SHISA6: variants seen among roughly 807,000 people sequenced by gnomAD.
SHISA6 encodes shisa family member 6, also known as protein shisa-6.
Under a neutral mutation model 47.9 loss-of-function variants are expected in SHISA6, and 22 were observed. The observed-to-expected ratio is 0.46, with a 90% confidence interval of 0.33 to 0.66. The LOEUF (loss-of-function observed/expected upper bound fraction) is 0.66. Among genes scored for constraint, SHISA6 ranks in the 30% least tolerant of loss-of-function variants. The pLI is 0.02. For synonymous variants in SHISA6, 388 were observed against 337.8 expected, an observed-to-expected ratio of 1.15 and a Z score of -1.63; for missense variants, 680 against 764.6, an observed-to-expected ratio of 0.89 and a Z score of 1.30.
Position 11,257,538 on chromosome 17 carries a change from A to G in SHISA6, c.639-5828A>G, listed in dbSNP as rs1193608858. ...TAGCTGGGTGTGGTGGTGCTTGCCTATAGTATCAGCTACTGGGGAGGCTGA... is the reference window on the plus strand; with the variant it reads ...TAGCTGGGTGTGGTGGTGCTTGCCTGTAGTATCAGCTACTGGGGAGGCTGA... On this transcript the variant is annotated intron_variant, in intron 1 of 5. Coordinates refer to ENST00000441885, the MANE Select transcript of SHISA6 (RefSeq NM_207386.4). Among the ~76,000 whole-genome samples the G allele has an allele frequency of 2.0e-5, 3 of 151,940 alleles. 1 individual carries two copies. The highest frequency in any genetic ancestry group is 4.4e-5 in the Non-Finnish European group (3 of 67,936).
intron 3 of SHISA6, among the ~76,000 whole-genome samples, chr17:11,455,112 T>C (rs1436628076): frequency 6.6e-6 from 1 of 151,910 alleles, no homozygotes; most frequent in African/African-American, 2.4e-5. Flanking sequence ...GAGCTTGCAG[T>C]GAGCCGAGAT....
Position 11,323,736 on chromosome 17 carries a change from G to A in SHISA6, c.800-55678G>A, listed in dbSNP as rs565522809. Among the ~76,000 whole-genome samples the A allele has an allele frequency of 3.3e-5, 5 of 151,754 alleles. 1 individual carries two copies. The highest frequency in any genetic ancestry group is 1.5e-5 in the Non-Finnish European group (1 of 67,982). ...TGTGGTCGAGCTGGGACTTCAACCT[G>A]TAGGCTTTGCTCTCCCAGTCCAGGT... On this transcript the variant is annotated intron_variant, in intron 2 of 5. Coordinates refer to ENST00000441885, the MANE Select transcript of SHISA6 (RefSeq NM_207386.4).
intron 2 of SHISA6, among the ~76,000 whole-genome samples, chr17:11,273,161 C>T (rs887838694): frequency 1.3e-5 from 2 of 152,212 alleles, no homozygotes; most frequent in Non-Finnish European, 2.9e-5. Context: ...GAAACAGGTT[C>T]AATGGGGATT....
At chr17:11,358,667 C>CTTT (rs71142206) in intron 2 of SHISA6, among the ~76,000 whole-genome samples, 27,407 of 141,172 alleles carry the variant, frequency 0.19, 2,881 homozygotes, top group Middle Eastern at 0.28. Context: ...CCAGAATTTC[C>CTTT]TTTTTTTTTT....
chr17:11,304,933 G>T (rs1424139984), intron 2 of SHISA6, among the ~76,000 whole-genome samples: 1 of 152,196 alleles, frequency 6.6e-6, no homozygotes, highest in Admixed American at 6.5e-5. Flanking sequence ...AAGCAGTGCT[G>T]TGATAGTTCC....
intron 3 of SHISA6, among the ~76,000 whole-genome samples, chr17:11,465,024 A>T (rs549845930): frequency 1.3e-5 from 2 of 152,112 alleles, no homozygotes; most frequent in Admixed American, 6.5e-5. Context: ...GTTTTTTCAT[A>T]TATTTTCAGT....
intron 3 of SHISA6, among the ~76,000 whole-genome samples, chr17:11,453,993 T>C (rs192346162): frequency 1.5e-4 from 23 of 152,336 alleles, no homozygotes; most frequent in African/African-American, 4.8e-4. Flanking sequence ...TTCTCTTGGG[T>C]AAATATCTAG....
intron 3 of SHISA6, among the ~76,000 whole-genome samples, chr17:11,489,551 A>G (rs2142336853): frequency 6.6e-6 from 1 of 152,308 alleles, no homozygotes; most frequent in South Asian, 2.1e-4. Flanking sequence ...CCCCATTTGC[A>G]GAATGAAAAA....
Position 11,452,928 on chromosome 17 carries a change from T to A in SHISA6, c.895+73419T>A, listed in dbSNP as rs151189081. Among the ~76,000 whole-genome samples the A allele has an allele frequency of 1.6e-4, 22 of 141,758 alleles. 1 individual carries two copies. The South Asian group carries it at 5.2e-3, about 34-fold the overall frequency. 93.0% of individuals were successfully genotyped at this position (141,758 alleles called of 152,430 possible). On this transcript the variant is annotated intron_variant, in intron 3 of 5. Transcript: ENST00000441885. ...CTTTATCTTCTTCTCCTCCCCCTTC[T>A]CCCCCTCCTCTTCCTCCCTCTCCTT...
intron 2 of SHISA6, among the ~76,000 whole-genome samples, chr17:11,300,004 G>A (rs1597446652): frequency 6.6e-6 from 1 of 152,136 alleles, no homozygotes; most frequent in Admixed American, 6.5e-5. Context: ...TATTAGCTGG[G>A]CGTGGTGGCA....
intron 1 of SHISA6, among the ~76,000 whole-genome samples, chr17:11,260,213 G>A (rs755945744): frequency 5.3e-5 from 8 of 152,082 alleles, no homozygotes; most frequent in African/African-American, 1.4e-4. Context: ...CCACACACCC[G>A]AGAAAGCCAA....
intron 3 of SHISA6, among the ~76,000 whole-genome samples, chr17:11,393,247 A>C (rs903302111): frequency 1.3e-5 from 2 of 152,094 alleles, no homozygotes; most frequent in African/African-American, 4.8e-5. Context: ...CACTCTACAC[A>C]CTGCACACTA....
rs2071777496 is a variant in SHISA6 at position 11,535,282 on chromosome 17, A to G, written c.896-16614A>G. On this transcript the variant is annotated intron_variant, in intron 3 of 5. Transcript: ENST00000441885. ...GTGCTATGCATGGAGATTCCCAGAA[A>G]AAGAGCACTCATTGCCCAACTCCTG... Among the ~76,000 whole-genome samples, 2 of 152,170 alleles carry G rather than the reference A, an allele frequency of 1.3e-5. 1 individual carries two copies. The highest frequency in any genetic ancestry group is 4.1e-4 in the South Asian group (2 of 4,830).
intron 1 of SHISA6, among the ~76,000 whole-genome samples, chr17:11,258,019 A>T (rs902350291): frequency 6.6e-6 from 1 of 152,230 alleles, no homozygotes; most frequent in Non-Finnish European, 1.5e-5. Context: ...AATTATATTC[A>T]GTATACTTAA....
chr17:11,262,080 T>C (rs1355256188), intron 1 of SHISA6, among the ~76,000 whole-genome samples: 1 of 152,216 alleles, frequency 6.6e-6, no homozygotes, highest in Non-Finnish European at 1.5e-5. Context: ...TATAATCCAT[T>C]TTGAGTTAGT....
chr17:11,515,315 AG>A (rs1419160756), intron 3 of SHISA6, among the ~76,000 whole-genome samples: 2 of 51,600 alleles, frequency 3.9e-5, no homozygotes, highest in Non-Finnish European at 9.2e-5. Flanking sequence ...AGAAAGAAAA[AG>A]GAAGGAAGGA....
chr17:11,322,247 A>C (rs981490452), intron 2 of SHISA6, among the ~76,000 whole-genome samples: 2 of 151,872 alleles, frequency 1.3e-5, no homozygotes, highest in African/African-American at 4.8e-5. Context: ...CTTTTTTTTC[A>C]GTCAAAGAAC....
chr17:11,417,832 A>G (rs1410934857), intron 3 of SHISA6, among the ~76,000 whole-genome samples: 4 of 152,228 alleles, frequency 2.6e-5, no homozygotes, highest in African/African-American at 9.6e-5. Context: ...CCCCATTGTT[A>G]TCAGATAAGA....
At chr17:11,325,225 T>TTTCA (rs1910837955) in intron 2 of SHISA6, among the ~76,000 whole-genome samples, 1 of 152,184 alleles carries the variant, frequency 6.6e-6, no homozygotes, top group Admixed American at 6.5e-5. Flanking sequence ...GGCCTCTGTG[T>TTTCA]TTCAGTTCAT....
Sources: gnomAD v4.1 joint callset for allele counts (sites outside exome capture counted in the v4.1 genomes callset) on GRCh38, gnomAD v4.1.1 for gene constraint, MANE v1.5 for transcripts, NCBI Gene and HGNC (gene_info 2026-07-23, HGNC 2026-07-21) for gene names.